Variants in TRPM7 observed in about 807,000 individuals in gnomAD.
TRPM7 encodes the protein LTRPC ion channel family member 7.
A neutral mutation model predicts 229.7 loss-of-function variants in TRPM7; 134 were observed. That is an observed-to-expected ratio of 0.58 (90% CI 0.51 to 0.67). The LOEUF (loss-of-function observed/expected upper bound fraction) is 0.67. Among genes scored for constraint, TRPM7 ranks in the 30% least tolerant of loss-of-function variants. The pLI is 0.00. For synonymous variants in TRPM7, 699 were observed against 715.2 expected (o/e 0.98, Z 0.36); for missense variants, 1,901 against 2,210.0 (o/e 0.86, Z 2.80).
intron 1 of TRPM7, among the ~76,000 whole-genome samples, chr15:50,667,143 T>C (rs1486716320): frequency 1.3e-5 from 2 of 152,070 alleles, no homozygotes; most frequent in Non-Finnish European, 2.9e-5. Flanking sequence ...TGGGGGTGTC[T>C]AATGGCAGTT....
rs1438242155 is a variant in TRPM7, at chr15:50,624,364, T to C, written c.1306-64A>G. ...TTCTAATTATACAAACACTTTTAAA[T>C]GTTAAGTCCTTAGGATTTACATTTA... is the stretch of plus-strand genomic sequence containing the variant. On this transcript the variant is annotated intron_variant, in intron 11 of 38. Coordinates refer to ENST00000646667, the MANE Select transcript of TRPM7 (RefSeq NM_017672.6). 2.9e-6 allele frequency: 4 copies of C among 1,365,478 alleles called. No homozygotes were observed. In the African/African-American group the frequency reaches 4.4e-5, roughly 15 times the overall value. The allele number at this position is 1,365,478 out of a possible 1,614,324, so 84.6% of individuals were successfully genotyped here. A position where few individuals can be genotyped will look rare whatever the true frequency, so the allele number is the denominator to read the frequency against.
At position 50,559,792 on chromosome 15, in the gene TRPM7, C is replaced by G. The variant is rs2053241271; in HGVS notation, c.*1886G>C. 1 of 151,972 alleles carries G rather than the reference C, an allele frequency of 6.6e-6. No homozygotes were observed. Among genetic ancestry groups the G allele is most frequent in the Admixed American group, 6.6e-5 (1 of 15,234 alleles). The allele number at this position is 151,972 out of a possible 1,614,324, so 9.4% of individuals were successfully genotyped here. A position where few individuals can be genotyped will look rare whatever the true frequency, so the allele number is the denominator to read the frequency against. ...AAGTGTTAGCAGCCAGGTGCGGTGGCTCACAAGGTCAGGAGTTTGTGACCA... is the reference window on the plus strand; with the variant it reads ...AAGTGTTAGCAGCCAGGTGCGGTGGGTCACAAGGTCAGGAGTTTGTGACCA... On this transcript the variant is annotated 3_prime_UTR_variant, in exon 39 of 39. Coordinates refer to ENST00000646667, the MANE Select transcript of TRPM7 (RefSeq NM_017672.6).
chr15:50,592,644 GCTT>G lies in TRPM7; in HGVS notation c.3609-21_3609-19del, dbSNP rs746453909. On this transcript the variant is annotated intron_variant, in intron 25 of 38. Coordinates refer to ENST00000646667, the MANE Select transcript of TRPM7 (RefSeq NM_017672.6). The stretch of plus-strand genomic sequence containing the variant: ...GTTCCACTCTGTAGGAGAGAAATAA[GCTT>G]TTTTTACAAATGTGAAAAAATAATG... 6.9e-7 allele frequency: 1 copy of G among 1,448,772 alleles called. No individual in the cohort carries two copies. The highest frequency in any genetic ancestry group is 2.4e-5 in the East Asian group (1 of 42,480). 89.7% of individuals were successfully genotyped at this position (1,448,772 alleles called of 1,614,324 possible). A position where few individuals can be genotyped will look rare whatever the true frequency, so the allele number is the denominator to read the frequency against.
chr15:50,686,466 A>C, intron 1 of TRPM7, 65 bp downstream of exon 1: 2 of 1,613,790 alleles, frequency 1.2e-6, no homozygotes. Context: ...TTGCCTGCCA[A>C]GTCTCTCCTT....
chr15:50,597,648 C>T (rs1437985669), intron 22 of TRPM7, among the ~76,000 whole-genome samples: 1 of 152,142 alleles, frequency 6.6e-6, no homozygotes, highest in Non-Finnish European at 1.5e-5. Context: ...TGATGGCTCA[C>T]GTTTGTAATC....
At chr15:50,574,091 T>G (rs1184293521) in intron 36 of TRPM7, among the ~76,000 whole-genome samples, 183 bp downstream of exon 36, 1 of 152,020 alleles carries the variant, frequency 6.6e-6, no homozygotes, top group African/African-American at 2.4e-5. Context: ...CAAAAAAAGA[T>G]AGCCAGATTC....
rs2060729183 is a variant in TRPM7 at position 50,631,455 on chromosome 15, T to G, written c.1166A>C (p.Gln389Pro). The change falls in exon 10 of 39, where the codon CAA becomes CCA. Residue 389 changes from glutamine (Q) to proline (P), a missense_variant. Gln to Pro is a moderately conservative substitution (Grantham distance 76, BLOSUM62 -1). Transcript: ENST00000646667. Reference sequence around the variant, plus strand: ...AGTAAGTATTGCTACATCTATATCTTGATGTTCATCTGACCCAATATGGAA... The same window carrying G: ...AGTAAGTATTGCTACATCTATATCTGGATGTTCATCTGACCCAATATGGAA... Reference protein sequence around the residue: ...TVFHIGSDEHQDIDVAILTAL... With the variant: ...TVFHIGSDEHPDIDVAILTAL... The G allele has an allele frequency of 1.2e-6, 2 of 1,610,692 alleles. No individual in the cohort carries two copies. The highest frequency in any genetic ancestry group is 4.5e-5 in the East Asian group (2 of 44,706).
chr15:50,636,757 A>C (rs1435452324), intron 7 of TRPM7, among the ~76,000 whole-genome samples: 55 of 152,266 alleles, frequency 3.6e-4, no homozygotes, highest in Non-Finnish European at 5.9e-5. Flanking sequence ...AAGCTGATTT[A>C]TTTCTTTCAG....
intron 2 of TRPM7, among the ~76,000 whole-genome samples, chr15:50,658,503 G>A (rs927285058): frequency 2.0e-5 from 3 of 151,322 alleles, no homozygotes; most frequent in African/African-American, 2.4e-5. Flanking sequence ...ATGGGAGGTC[G>A]AGGCTAAAGT....
intron 38 of TRPM7, among the ~76,000 whole-genome samples, chr15:50,562,597 T>C (rs1049544433): frequency 2.6e-5 from 4 of 151,888 alleles, no homozygotes; most frequent in Non-Finnish European, 5.9e-5. Context: ...TGGTGAAGTC[T>C]CTTGTCTCTA....
intron 36 of TRPM7, 131 bp from the exon 37 acceptor site, chr15:50,570,286 A>G (rs2053812934): frequency 1.5e-6 from 1 of 658,736 alleles, no homozygotes; most frequent in Non-Finnish European, 2.5e-6. Flanking sequence ...TAAACTATTC[A>G]AAGGAGTGTA....
chr15:50,664,257 C>A (rs1346218700), intron 1 of TRPM7, among the ~76,000 whole-genome samples: 1 of 148,402 alleles, frequency 6.7e-6, no homozygotes, highest in African/African-American at 2.5e-5. Context: ...TTGCAGTGAG[C>A]CGAGATCGCG....
In TRPM7 at chr15:50,583,201, A is replaced by G. The variant is rs1596096458; in HGVS notation, c.4487-42T>C. ...AAATATAAAAAAGCTACACAACTGA[A>G]GTTTTATGAATACCAACTAACCAAA... On this transcript the variant is annotated intron_variant, in intron 28 of 38. Coordinates refer to ENST00000646667, the MANE Select transcript of TRPM7 (RefSeq NM_017672.6). The G allele has an allele frequency of 3.5e-6, 5 of 1,431,056 alleles. No individual in the cohort carries two copies. In the South Asian group the frequency reaches 4.9e-5, roughly 14 times the overall value. The allele number at this position is 1,431,056 out of a possible 1,614,324, so 88.6% of individuals were successfully genotyped here. A position where few individuals can be genotyped will look rare whatever the true frequency, so the allele number is the denominator to read the frequency against.
chr15:50,595,948 C>T (rs1464053042), intron 23 of TRPM7, among the ~76,000 whole-genome samples: 1 of 151,764 alleles, frequency 6.6e-6, no homozygotes, highest in Admixed American at 6.6e-5. Context: ...AGGTGTACAC[C>T]CAAATATTAA....
intron 1 of TRPM7, among the ~76,000 whole-genome samples, chr15:50,674,180 G>T (rs113913544): frequency 6.6e-6 from 1 of 151,920 alleles, no homozygotes; most frequent in Non-Finnish European, 1.5e-5. Flanking sequence ...GTAGAGATGG[G>T]GTTTCACCAT....
chr15:50,558,070 TTTAATAATC>T lies in TRPM7; in HGVS notation c.*3599_*3607del, dbSNP rs2053193687. The T allele has an allele frequency of 1.3e-5, 2 of 152,248 alleles. No individual in the cohort carries two copies. The highest frequency in any genetic ancestry group is 4.8e-5 in the African/African-American group (2 of 41,462). The allele number at this position is 152,248 out of a possible 1,614,324, so 9.4% of individuals were successfully genotyped here. ...ACATCATAGGGTAGTAATAATGAAC[TTTAATAATC>T]TTAAAAAAATACTTATTGGGGATAA... On this transcript the variant is annotated 3_prime_UTR_variant, in exon 39 of 39. Transcript: ENST00000646667.
At position 50,639,477 on chromosome 15, in the gene TRPM7, C is replaced by T. The variant is rs758746706; in HGVS notation, c.607G>A (p.Gly203Arg). The T allele has an allele frequency of 3.1e-6, 5 of 1,611,870 alleles. No individual in the cohort carries two copies. The highest frequency in any genetic ancestry group is 1.1e-5 in the South Asian group (1 of 90,764). The change falls in exon 6 of 39, where the codon GGA (glycine) becomes AGA (arginine). Residue 203 changes from glycine (G) to arginine (R), a missense_variant. Physicochemically the swap from Gly to Arg is moderately radical, Grantham distance 125. Around this residue, in one of 8 missense-constraint regions of TRPM7, gnomAD observed 794 missense variants for 881.9 expected, o/e 0.90. Transcript: ENST00000646667. ...SRSSRKICTIGIAPWGVIENR... is the reference protein window; with the variant it reads ...SRSSRKICTIRIAPWGVIENR... ...TCAATCACTCCCCATGGAGCTATTC[C>T]GATAGTGCAAATCTTTCGAGATGAT... is the stretch of plus-strand genomic sequence containing the variant.
At chr15:50,681,875 G>A (rs1179179981) in intron 1 of TRPM7, among the ~76,000 whole-genome samples, 1 of 152,148 alleles carries the variant, frequency 6.6e-6, no homozygotes, top group Non-Finnish European at 1.5e-5. Flanking sequence ...TTTACAGATT[G>A]AGAAGATAAC....
At chr15:50,618,909 C>T (rs2060309071) in intron 13 of TRPM7, among the ~76,000 whole-genome samples, 1 of 152,166 alleles carries the variant, frequency 6.6e-6, no homozygotes, top group Non-Finnish European at 1.5e-5. Context: ...TAATCAACCT[C>T]CAGTTCCATT....
Sources: gnomAD v4.1 joint callset for allele counts (sites outside exome capture counted in the v4.1 genomes callset) on GRCh38, gnomAD v4.1.1 for gene constraint, gnomAD v4.1.1 regional missense constraint, MANE v1.5 for transcripts, NCBI Gene and HGNC (gene_info 2026-07-23, HGNC 2026-07-21) for gene names.